The following SETBP1 variants were observed in gnomAD, a reference collection of about 807,000 sequenced individuals.
The protein encoded by SETBP1 is SET-binding protein.
Under a neutral mutation model 101.0 loss-of-function variants are expected in SETBP1, and 9 were observed. The ratio of observed to expected loss-of-function variants is 0.09; its 90% CI spans 0.05 to 0.16. The LOEUF is 0.16. Among genes scored for constraint, SETBP1 ranks in the 10% least tolerant of loss-of-function variants. SETBP1 has a pLI of 1.00. For synonymous variants in SETBP1, 818 were observed against 788.5 expected (o/e 1.04, Z -0.63); for missense variants, 1,858 against 2,033.8 (o/e 0.91, Z 1.66).
chr18:45,028,084 G>A (rs185688373), intron 4 of SETBP1, among the ~76,000 whole-genome samples: 98 of 151,776 alleles, frequency 6.5e-4, no homozygotes, highest in African/African-American at 2.2e-3. Flanking sequence ...GTATGTATAC[G>A]TGTGCCATGC....
chr18:44,945,005 TA>T (rs527927242), intron 3 of SETBP1, among the ~76,000 whole-genome samples: 43 of 152,240 alleles, frequency 2.8e-4, no homozygotes, highest in Admixed American at 7.8e-4. Flanking sequence ...TATTTTTTTA[TA>T]TTTTTTTTAT....
At chr18:44,767,528 C>G (rs1041540594) in intron 2 of SETBP1, among the ~76,000 whole-genome samples, 3 of 152,158 alleles carry the variant, frequency 2.0e-5, no homozygotes, top group African/African-American at 7.2e-5. Flanking sequence ...TGGTATTCAG[C>G]TTAGGAACTC....
intron 4 of SETBP1, among the ~76,000 whole-genome samples, chr18:44,991,974 A>G (rs752917252): frequency 2.0e-5 from 3 of 152,190 alleles, no homozygotes; most frequent in Non-Finnish European, 4.4e-5. Context: ...CGGTAATCAA[A>G]AGATAACATT....
At chr18:44,805,778 C>T (rs2071719646) in intron 2 of SETBP1, among the ~76,000 whole-genome samples, 1 of 152,126 alleles carries the variant, frequency 6.6e-6, no homozygotes, top group Non-Finnish European at 1.5e-5. Context: ...AGGGCTAGAG[C>T]ACCTTTGGTT....
At chr18:44,744,361 C>T (rs934980790) in intron 2 of SETBP1, among the ~76,000 whole-genome samples, 1 of 152,240 alleles carries the variant, frequency 6.6e-6, no homozygotes, top group Non-Finnish European at 1.5e-5. Flanking sequence ...CCGGATTAGG[C>T]AGCAGAATGG....
Position 45,038,498 on chromosome 18 carries a change from C to A in SETBP1, c.4014C>A (p.Pro1338=). The A allele has an allele frequency of 6.2e-7, 1 of 1,614,096 alleles. No individual in the cohort carries two copies. Among genetic ancestry groups the A allele is most frequent in the Non-Finnish European group, 8.5e-7 (1 of 1,179,998 alleles). The stretch of plus-strand genomic sequence containing the variant: ...GTTATTTTTTAGGGATGCCAAGTCC[C>A]CACTTAAAAGTGGACCAGACAGCAG... ...DSSMSPGMPS[P]HLKVDQTAVH... The change falls in exon 5 of 6, where the codon CCC becomes CCA. Residue 1338 remains proline (P), a synonymous_variant. Transcript: ENST00000649279.
chr18:44,938,201 C>A (rs935873641), intron 3 of SETBP1, among the ~76,000 whole-genome samples: 1 of 152,184 alleles, frequency 6.6e-6, no homozygotes, highest in African/African-American at 2.4e-5. Flanking sequence ...ACCCTGTTGG[C>A]TTCCCTCCTC....
At chr18:44,924,420 C>T (rs2070652225) in intron 3 of SETBP1, among the ~76,000 whole-genome samples, 1 of 152,106 alleles carries the variant, frequency 6.6e-6, no homozygotes, top group South Asian at 2.1e-4. Context: ...AGTTTTTACT[C>T]CATCTTTAAT....
At chr18:44,709,720 G>T (rs2069298134) in intron 2 of SETBP1, among the ~76,000 whole-genome samples, 1 of 152,150 alleles carries the variant, frequency 6.6e-6, no homozygotes, top group African/African-American at 2.4e-5. Flanking sequence ...GGGAGGCCTG[G>T]GCTGTGTTGA....
At chr18:44,717,787 A>T (rs1211618928) in intron 2 of SETBP1, among the ~76,000 whole-genome samples, 3 of 152,224 alleles carry the variant, frequency 2.0e-5, no homozygotes, top group Non-Finnish European at 2.9e-5. Flanking sequence ...CCCTTAGAAT[A>T]GAGTATAAAA....
intron 3 of SETBP1, among the ~76,000 whole-genome samples, chr18:44,908,643 CT>C (rs1275861767): frequency 6.6e-6 from 1 of 152,036 alleles, no homozygotes; most frequent in Non-Finnish European, 1.5e-5. Flanking sequence ...CAACCTTGTT[CT>C]TTTTCAAGAT....
intron 3 of SETBP1, among the ~76,000 whole-genome samples, chr18:44,912,064 A>G (rs886939503): frequency 6.6e-6 from 1 of 152,202 alleles, no homozygotes; most frequent in Non-Finnish European, 1.5e-5. Flanking sequence ...AGGGGTGAGA[A>G]GATGGAGTCT....
intron 3 of SETBP1, among the ~76,000 whole-genome samples, chr18:44,879,180 C>G (rs187497564): frequency 6.6e-6 from 1 of 152,150 alleles, no homozygotes; most frequent in African/African-American, 2.4e-5. Context: ...TGTTTAGCAA[C>G]AAAACATAAA....
chr18:44,967,391 C>A (rs1299059564), intron 4 of SETBP1, among the ~76,000 whole-genome samples: 1 of 152,174 alleles, frequency 6.6e-6, no homozygotes, highest in Non-Finnish European at 1.5e-5. Context: ...CTGCTAACCC[C>A]AGCCATAAAA....
chr18:44,778,988 A>G (rs1355901513), intron 2 of SETBP1, among the ~76,000 whole-genome samples: 1 of 152,188 alleles, frequency 6.6e-6, no homozygotes, highest in Non-Finnish European at 1.5e-5. Flanking sequence ...TTAAACCCTG[A>G]GGTGTTGGGT....
At chr18:44,843,052 C>G (rs570433193) in intron 2 of SETBP1, among the ~76,000 whole-genome samples, 1 of 152,262 alleles carries the variant, frequency 6.6e-6, no homozygotes, top group Non-Finnish European at 1.5e-5. Flanking sequence ...CAGCCCAGAG[C>G]TGCTCTTATG....
intron 4 of SETBP1, among the ~76,000 whole-genome samples, chr18:45,033,782 T>C (rs554884665): frequency 6.6e-6 from 1 of 152,348 alleles, no homozygotes; most frequent in South Asian, 2.1e-4. Flanking sequence ...TCGCCTCTTT[T>C]ATTTTAAAGA....
chr18:44,838,743 C>T (rs1020116931), intron 2 of SETBP1, among the ~76,000 whole-genome samples: 3 of 152,142 alleles, frequency 2.0e-5, no homozygotes, highest in Non-Finnish European at 2.9e-5. Context: ...CTTGAATGCA[C>T]GTGAGCAAAT....
chr18:44,869,564 A>T, intron 3 of SETBP1: 1 of 386,518 alleles, frequency 2.6e-6, no homozygotes, highest in East Asian at 6.0e-5. Context: ...TTGGGGATTC[A>T]GCTTAGGAAA....
Sources: gnomAD v4.1 joint callset for allele counts (sites outside exome capture counted in the v4.1 genomes callset) on GRCh38, gnomAD v4.1.1 for gene constraint, MANE v1.5 for transcripts, NCBI Gene and HGNC (gene_info 2026-07-23, HGNC 2026-07-21) for gene names.